CUL1: variants seen among roughly 807,000 people sequenced by gnomAD.
CUL1 encodes cullin 1.
A neutral mutation model predicts 118.0 loss-of-function variants in CUL1; 24 were observed. The observed-to-expected ratio is 0.20, with a 90% CI of 0.15 to 0.29. CUL1 has a LOEUF of 0.29. Ranked by LOEUF, CUL1 falls within the 10% of genes least tolerant of loss-of-function variation. The probability of loss-of-function intolerance (pLI) is 1.00; values close to 1 mark genes in which losing one functional copy is unlikely to be tolerated. For synonymous variants in CUL1, 332 were observed against 340.4 expected (o/e 0.98, Z 0.27); for missense variants, 361 against 933.8 (o/e 0.39, Z 7.99).
chr7:148,760,201 A>G, intron 6 of CUL1, 132 bp from the exon 7 acceptor site: 1 of 630,114 alleles, frequency 1.6e-6, no homozygotes, highest in African/African-American at 1.9e-5. Flanking sequence ...AGTGAGTAAG[A>G]GTTACTTATG....
chr7:148,756,987 GAGA>G lies in CUL1; in HGVS notation c.324_326del (p.Glu108del). On this transcript the variant is annotated inframe_deletion, in exon 4 of 22. Coordinates refer to ENST00000325222, the MANE Select transcript of CUL1 (RefSeq NM_003592.3). ...CTTTAGTTAACTTGTTTTTAGGATG[GAGA>G]AGATTTGATGGATGAGAGTGTACTG... is the stretch of plus-strand genomic sequence containing the variant. 1 of 1,575,502 alleles carries G rather than the reference GAGA, an allele frequency of 6.3e-7. No individual in the cohort carries two copies. Among genetic ancestry groups the G allele is most frequent in the Non-Finnish European group, 8.6e-7 (1 of 1,163,166 alleles).
At chr7:148,709,068 A>G (rs1797971674) in intron 1 of CUL1, among the ~76,000 whole-genome samples, 1 of 152,188 alleles carries the variant, frequency 6.6e-6, no homozygotes, top group Non-Finnish European at 1.5e-5. Flanking sequence ...GTGTATGTGT[A>G]ACTAGGATAG....
intron 6 of CUL1, among the ~76,000 whole-genome samples, chr7:148,759,920 G>A (rs974169314): frequency 6.6e-6 from 1 of 152,098 alleles, no homozygotes; most frequent in African/African-American, 2.4e-5. Flanking sequence ...GTTAGAGTGT[G>A]AGCTCAATGA....
At chr7:148,719,779 G>T (rs1164301539) in intron 1 of CUL1, among the ~76,000 whole-genome samples, 1 of 152,238 alleles carries the variant, frequency 6.6e-6, no homozygotes, top group Non-Finnish European at 1.5e-5. Flanking sequence ...GTTGGCAGCA[G>T]TTTGGACGTG....
intron 1 of CUL1, among the ~76,000 whole-genome samples, chr7:148,707,554 G>A (rs549540611): frequency 4.0e-5 from 6 of 151,726 alleles, no homozygotes; most frequent in African/African-American, 4.8e-5. Context: ...ATAGGTAAAC[G>A]TGTGCCATGG....
intron 2 of CUL1, among the ~76,000 whole-genome samples, chr7:148,742,618 A>ATTTTTTTTTTTTT (rs1799182326): frequency 2.3e-5 from 1 of 42,972 alleles, no homozygotes; most frequent in Non-Finnish European, 4.9e-5. Flanking sequence ...TTTTTTTTTG[A>ATTTTTTTTTTTTT]GTTGGAGTCT....
At chr7:148,796,179 A>T (rs1801191715) in intron 17 of CUL1, among the ~76,000 whole-genome samples, 1 of 152,074 alleles carries the variant, frequency 6.6e-6, no homozygotes, top group Non-Finnish European at 1.5e-5. Context: ...TTCTTAGTTT[A>T]TTGAATTTTG....
chr7:148,698,856 C>A (rs971476406), upstream of CUL1: 6 of 152,574 alleles, frequency 3.9e-5, no homozygotes, highest in Admixed American at 6.6e-5. Context: ...GAGGGCCGGG[C>A]GGGCAGGGGA....
chr7:148,796,968 C>G (rs1233335654), intron 17 of CUL1, among the ~76,000 whole-genome samples: 1 of 152,222 alleles, frequency 6.6e-6, no homozygotes, highest in African/African-American at 2.4e-5. Flanking sequence ...CAGGACTCCA[C>G]TGCCCGTGGG....
intron 17 of CUL1, among the ~76,000 whole-genome samples, chr7:148,795,485 C>T (rs1055814799): frequency 1.3e-5 from 2 of 151,700 alleles, no homozygotes; most frequent in African/African-American, 4.8e-5. Context: ...AACTAAGTAC[C>T]GCAGGGTGTG....
chr7:148,794,309 A>G (rs937526663), intron 17 of CUL1, among the ~76,000 whole-genome samples: 2 of 152,076 alleles, frequency 1.3e-5, no homozygotes, highest in African/African-American at 4.8e-5. Context: ...ATCATTGCCT[A>G]GTCTGAGGCC....
At chr7:148,734,003 G>A (rs548650600) in intron 2 of CUL1, among the ~76,000 whole-genome samples, 16 of 151,056 alleles carry the variant, frequency 1.1e-4, no homozygotes, top group African/African-American at 3.6e-4. Flanking sequence ...ACTCAAAATG[G>A]TGAAAGAAGG....
Position 148,766,600 on chromosome 7 carries a change from G to A in CUL1, c.829G>A (p.Val277Ile), listed in dbSNP as rs1800015431. ...RLLEEQRRVQ[V>I]YLHESTQDEL... ...GCTTGAGGAACAACGAAGAGTTCAG[G>A]TTTACCTTCATGAAAGCACACAAGA... The change falls in exon 8 of 22, where the codon GTT becomes ATT. Residue 277 changes from valine to isoleucine, a missense_variant. Coordinates refer to ENST00000325222, the MANE Select transcript of CUL1 (RefSeq NM_003592.3). 6.2e-7 allele frequency: 1 copy of A among 1,613,554 alleles called. No individual in the cohort carries two copies. The highest frequency in any genetic ancestry group is 1.1e-5 in the South Asian group (1 of 90,934).
upstream of CUL1, chr7:148,698,806 G>A (rs927992823): frequency 1.3e-5 from 2 of 155,622 alleles, no homozygotes; most frequent in African/African-American, 2.4e-5. Context: ...AAGGCGAGAG[G>A]GCGGAGGTTG....
At chr7:148,722,738 G>A (rs930972323) in intron 1 of CUL1, among the ~76,000 whole-genome samples, 2 of 152,254 alleles carry the variant, frequency 1.3e-5, no homozygotes, top group Admixed American at 1.3e-4. Flanking sequence ...GGCCACCCCA[G>A]GCTTCAGCCT....
At chr7:148,784,560 T>G (rs1800757275) in intron 11 of CUL1, among the ~76,000 whole-genome samples, 1 of 152,230 alleles carries the variant, frequency 6.6e-6, no homozygotes, top group Admixed American at 6.5e-5. Flanking sequence ...CTCCTCTGCG[T>G]GTGTTTTTTG....
intron 7 of CUL1, among the ~76,000 whole-genome samples, chr7:148,762,352 G>A (rs1004050165): frequency 3.3e-5 from 5 of 152,190 alleles, no homozygotes; most frequent in African/African-American, 1.2e-4. Flanking sequence ...GAAGTTTGAA[G>A]TTGAAAGTCC....
chr7:148,739,815 AT>A (rs2129459891), intron 2 of CUL1, among the ~76,000 whole-genome samples: 1 of 152,176 alleles, frequency 6.6e-6, no homozygotes, highest in African/African-American at 2.4e-5. Context: ...TCTCAAATAT[AT>A]TTTGTGTTTT....
chr7:148,779,374 G>C (rs1800531708), intron 9 of CUL1, among the ~76,000 whole-genome samples: 1 of 152,208 alleles, frequency 6.6e-6, no homozygotes, highest in African/African-American at 2.4e-5. Context: ...TTAGTGTTGG[G>C]ATGGGGTTTG....
Sources: allele counts gnomAD v4.1 joint callset (sites outside exome capture counted in the v4.1 genomes callset), GRCh38; gene constraint gnomAD v4.1.1; transcripts MANE v1.5; gene names NCBI Gene and HGNC (gene_info 2026-07-23, HGNC 2026-07-21).